Variants in FIG4 observed in about 807,000 individuals in gnomAD.
FIG4 encodes FIG4 phosphoinositide 5-phosphatase.
Under a neutral mutation model 118.6 loss-of-function variants are expected in FIG4, and 112 were observed. The ratio of observed to expected loss-of-function variants is 0.94; its 90% CI spans 0.81 to 1.11. The LOEUF (loss-of-function observed/expected upper bound fraction) is 1.11. FIG4 is among the 50% of genes least tolerant of loss of function. The pLI, the probability that FIG4 is intolerant of heterozygous loss-of-function variation, is 0.00. For synonymous variants in FIG4, 369 were observed against 381.2 expected, an observed-to-expected ratio of 0.97 and a Z score of 0.37; for missense variants, 969 against 1,111.7, an observed-to-expected ratio of 0.87 and a Z score of 1.83.
chr6:109,792,812 T>C (rs1778176290), intron 21 of FIG4, 148 bp downstream of exon 21: 10 of 568,898 alleles, frequency 1.8e-5, no homozygotes, highest in Admixed American at 3.2e-5. Context: ...TGATCTCGGC[T>C]CCTGAGTAGC....
At chr6:109,812,063 TAGTG>T (rs1201836956) in intron 22 of FIG4, among the ~76,000 whole-genome samples, 2 of 152,174 alleles carry the variant, frequency 1.3e-5, no homozygotes, top group African/African-American at 4.8e-5. Context: ...GTTCTCGTGA[TAGTG>T]AGTGAGTTCT....
Position 109,789,643 on chromosome 6 carries a change from C to A in FIG4, c.2146C>A (p.Arg716Ser). The A allele has an allele frequency of 1.2e-6, 2 of 1,613,254 alleles. No individual in the cohort carries two copies. Among genetic ancestry groups the A allele is most frequent in the Non-Finnish European group, 8.5e-7 (1 of 1,179,444 alleles). The part of the protein sequence containing the change: ...VGIDPSPFTV[R>S]KPDETGKSVL... ...AATTGATCCAAGTCCATTTACTGTG[C>A]GTAAACCAGATGAAACTGGAAAATC... Residue 716 changes from arginine to serine, a missense_variant, in exon 19 of 23, where the codon CGT (arginine) becomes AGT (serine). Physicochemically the swap from Arg to Ser is moderately radical, Grantham distance 110. This residue lies in a region of FIG4 where 330 missense variants were observed against 348.1 expected (regional missense o/e 0.95). Transcript: ENST00000230124.
At chr6:109,746,698 T>C (rs1776509834) in intron 10 of FIG4, among the ~76,000 whole-genome samples, 1 of 152,160 alleles carries the variant, frequency 6.6e-6, no homozygotes, top group South Asian at 2.1e-4. Context: ...ATTAAACATC[T>C]TGCATGGTTG....
At chr6:109,709,125 A>G (rs1333704134) in intron 1 of FIG4, among the ~76,000 whole-genome samples, 1 of 152,074 alleles carries the variant, frequency 6.6e-6, no homozygotes, top group Non-Finnish European at 1.5e-5. Context: ...ATCCATCTTG[A>G]GTTAATTTTT....
chr6:109,737,647 T>C (rs546669828), intron 6 of FIG4, among the ~76,000 whole-genome samples: 1 of 152,318 alleles, frequency 6.6e-6, no homozygotes, highest in African/African-American at 2.4e-5. Flanking sequence ...TTTTAATTTT[T>C]CACTTCATGT....
At chr6:109,752,898 A>T (rs1390932493) in intron 10 of FIG4, among the ~76,000 whole-genome samples, 1 of 152,106 alleles carries the variant, frequency 6.6e-6, no homozygotes, top group Non-Finnish European at 1.5e-5. Flanking sequence ...GGTGTTCTAG[A>T]CATGAAGTCC....
intron 21 of FIG4, among the ~76,000 whole-genome samples, chr6:109,794,754 G>A (rs576779248): frequency 6.6e-6 from 1 of 152,334 alleles, no homozygotes; most frequent in Admixed American, 6.5e-5. Context: ...CAGTTGGCTG[G>A]CTATGTTTGT....
intron 3 of FIG4, among the ~76,000 whole-genome samples, 174 bp downstream of exon 3, chr6:109,716,742 G>A (rs568662223): frequency 2.6e-4 from 40 of 152,304 alleles, no homozygotes; most frequent in African/African-American, 9.4e-4. Flanking sequence ...CGTTTCTGTA[G>A]CATCTGCTTA....
chr6:109,733,675 G>A (rs750786931), intron 5 of FIG4, among the ~76,000 whole-genome samples: 27 of 151,994 alleles, frequency 1.8e-4, no homozygotes, highest in Non-Finnish European at 4.0e-4. Context: ...ATGGAGTGAA[G>A]GGCTCCTAAA....
intron 10 of FIG4, 33 bp from the exon 11 acceptor site, chr6:109,760,217 T>C: frequency 6.3e-7 from 1 of 1,591,490 alleles, no homozygotes; most frequent in Non-Finnish European, 8.6e-7. Flanking sequence ...TTAAGGAAAT[T>C]AGAACACTGA....
At chr6:109,705,441 T>C (rs978508803) in intron 1 of FIG4, among the ~76,000 whole-genome samples, 2 of 152,180 alleles carry the variant, frequency 1.3e-5, no homozygotes, top group African/African-American at 4.8e-5. Context: ...CGCTATTCTC[T>C]GCACAAAACG....
intron 16 of FIG4, among the ~76,000 whole-genome samples, chr6:109,780,696 T>G (rs1192763991): frequency 6.6e-6 from 1 of 152,200 alleles, no homozygotes; most frequent in African/African-American, 2.4e-5. Context: ...ACTGTGTTTA[T>G]CAATGATACA....
intron 21 of FIG4, among the ~76,000 whole-genome samples, chr6:109,794,621 G>T (rs892376880): frequency 6.6e-6 from 1 of 152,242 alleles, no homozygotes; most frequent in African/African-American, 2.4e-5. Context: ...TTTTGGCTCA[G>T]CTAGGCTCTG....
intron 3 of FIG4, among the ~76,000 whole-genome samples, chr6:109,718,263 C>A (rs1163597322): frequency 6.6e-6 from 1 of 152,120 alleles, no homozygotes; most frequent in Non-Finnish European, 1.5e-5. Flanking sequence ...TTCAATCATC[C>A]ATCCCCATGA....
intron 22 of FIG4, among the ~76,000 whole-genome samples, chr6:109,817,828 G>T (rs544136488): frequency 1.5e-3 from 228 of 152,308 alleles, no homozygotes; most frequent in Non-Finnish European, 2.7e-3. Flanking sequence ...GGCTGGTGCT[G>T]GATTTCTTTA....
intron 1 of FIG4, among the ~76,000 whole-genome samples, chr6:109,709,436 G>A (rs949117149): frequency 1.3e-5 from 2 of 152,160 alleles, no homozygotes; most frequent in Non-Finnish European, 1.5e-5. Context: ...GATTGTGTTG[G>A]CTATTTGGGC....
chr6:109,691,506 G>T lies in FIG4; in HGVS notation c.66+5G>T. ...GTTCTGTATGAGACTAGAGCTGTGA[G>T]TACCCCCTCGCGGCGGGGCGCAGGC... On this transcript the variant is annotated splice_donor_5th_base_variant and intron_variant, in intron 1 of 22. Transcript: ENST00000230124. 6.4e-7 allele frequency: 1 copy of T among 1,573,450 alleles called. No individual in the cohort carries two copies. The highest frequency in any genetic ancestry group is 1.2e-5 in the South Asian group (1 of 86,012).
intron 14 of FIG4, among the ~76,000 whole-genome samples, chr6:109,765,786 A>G (rs963693931): frequency 1.3e-5 from 2 of 152,334 alleles, no homozygotes; most frequent in South Asian, 4.1e-4. Flanking sequence ...TGGATCTATG[A>G]CAGTCCATGA....
At chr6:109,808,493 T>C (rs1183366460) in intron 22 of FIG4, among the ~76,000 whole-genome samples, 1 of 152,108 alleles carries the variant, frequency 6.6e-6, no homozygotes, top group African/African-American at 2.4e-5. Context: ...ATGGAAAATA[T>C]GCATAAGGCA....
Sources: allele counts gnomAD v4.1 joint callset (sites outside exome capture counted in the v4.1 genomes callset), GRCh38; gene constraint gnomAD v4.1.1; regional missense constraint gnomAD v4.1.1; transcripts MANE v1.5; gene names NCBI Gene and HGNC (gene_info 2026-07-23, HGNC 2026-07-21).